AKR7A2: variants seen among roughly 807,000 people sequenced by gnomAD.
AKR7A2 encodes the protein aflatoxin B1 aldehyde reductase member 2.
In AKR7A2, 29 loss-of-function variants were observed where a neutral mutation model predicts 37.3. That is an observed-to-expected ratio of 0.78 (90% CI 0.58 to 1.06). The LOEUF is 1.06. AKR7A2 is among the 50% of genes least tolerant of loss of function. The pLI is 0.00. For synonymous variants in AKR7A2, 228 were observed against 217.8 expected (o/e 1.05, Z -0.41); for missense variants, 529 against 497.9 (o/e 1.06, Z -0.59).
chr1:19,304,383 C>T lies in AKR7A2; in HGVS notation c.922G>A (p.Ala308Thr), dbSNP rs578096792. 5 of 1,614,012 alleles carry T rather than the reference C, an allele frequency of 3.1e-6. No individual in the cohort carries two copies. In the South Asian group the frequency reaches 4.4e-5, roughly 14 times the overall value. ...CCCAGGATGACCGCGTCCCCGTGGG[C>T]ACCCTGCAAGGGAGACGGCCAGACT... The part of the protein sequence containing the change: ...WMYHHSQLQG[A>T]HGDAVILGMS... Residue 308 changes from alanine to threonine, a missense_variant, in exon 7 of 7, where the codon GCC becomes ACC. By Grantham distance (58) the Ala-to-Thr change is moderately conservative (BLOSUM62 0). Coordinates refer to ENST00000235835, the MANE Select transcript of AKR7A2 (RefSeq NM_003689.4).
chr1:19,307,628 G>C, intron 3 of AKR7A2: 2 of 614,046 alleles, frequency 3.3e-6, no homozygotes, highest in Admixed American at 5.5e-5. Flanking sequence ...TGAACTCCAT[G>C]CTGGACACTG....
intron 3 of AKR7A2, chr1:19,307,868 A>G: frequency 1.8e-6 from 1 of 548,458 alleles, no homozygotes; most frequent in Non-Finnish European, 3.3e-6. Context: ...GTAAGGCCTG[A>G]GTGCTTCTCC....
chr1:19,306,089 C>A lies in AKR7A2; in HGVS notation c.847G>T (p.Ala283Ser). Residue 283 changes from alanine to serine, a missense_variant, in exon 6 of 7, where the codon GCA becomes TCA. Physicochemically the swap from Ala to Ser is moderately conservative, Grantham distance 99 (BLOSUM62 1). Transcript: ENST00000235835. Reference sequence around the variant, plus strand: ...ACACTGGGGGCGCTGGCGCCATATGCGGCCTGCAGGGCCTTCTCCACCAAC... The same window carrying A: ...ACACTGGGGGCGCTGGCGCCATATGAGGCCTGCAGGGCCTTCTCCACCAAC... ...IALVEKALQA[A>S]YGASAPSVTS... The A allele has an allele frequency of 6.2e-6, 10 of 1,614,190 alleles. No individual in the cohort carries two copies. Among genetic ancestry groups the A allele is most frequent in the South Asian group, 1.1e-5 (1 of 91,086 alleles).
At chr1:19,306,950 C>G in intron 5 of AKR7A2, 52 bp downstream of exon 5, 1 of 1,517,968 alleles carries the variant, frequency 6.6e-7, no homozygotes, top group Non-Finnish European at 9.2e-7. Flanking sequence ...CTTCATTCCA[C>G]ATAGATTTGA....
At chr1:19,304,571 C>T (rs535083151) in intron 6 of AKR7A2, among the ~76,000 whole-genome samples, 185 bp from the exon 7 acceptor site, 33 of 152,170 alleles carry the variant, frequency 2.2e-4, no homozygotes, top group Middle Eastern at 6.8e-3. Context: ...CATCCTTTCC[C>T]CTACTGCCGC....
chr1:19,303,454 T>C (rs1418336833), downstream of AKR7A2, among the ~76,000 whole-genome samples: 3 of 152,144 alleles, frequency 2.0e-5, no homozygotes, highest in South Asian at 2.1e-4. Context: ...TGGTGCCTCC[T>C]GTTTGGAGTA....
Position 19,308,257 on chromosome 1 carries a change from CTT to C in AKR7A2, c.490_491del (p.Lys164ValfsTer11). On this transcript the variant is annotated frameshift_variant, in exon 3 of 7. Coordinates refer to ENST00000235835, the MANE Select transcript of AKR7A2 (RefSeq NM_003689.4). LOFTEE classifies it high-confidence loss of function. ...HACQRLHQEG[K>X]FVELGLSNYA... The stretch of plus-strand genomic sequence containing the variant: ...AGTTGGAGAGGCCAAGCTCCACGAA[CTT>C]GCCCTGCATGGGTGAGGCTCCAGTC... 1 of 1,614,206 alleles carries C rather than the reference CTT, an allele frequency of 6.2e-7. No homozygotes were observed. The highest frequency in any genetic ancestry group is 1.3e-5 in the African/African-American group (1 of 75,052).
At position 19,304,170 on chromosome 1, in the gene AKR7A2, T is replaced by G; in HGVS notation, c.*55A>C. On this transcript the variant is annotated 3_prime_UTR_variant, in exon 7 of 7. Coordinates refer to ENST00000235835, the MANE Select transcript of AKR7A2 (RefSeq NM_003689.4). Reference sequence around the variant, plus strand: ...AGCTTAAGGCCAAGACTGGTCAGTGTGAGAGAACAAAAGAGGTGACAGAAA... The same window carrying G: ...AGCTTAAGGCCAAGACTGGTCAGTGGGAGAGAACAAAAGAGGTGACAGAAA... 7.0e-5 allele frequency: 112 copies of G among 1,611,136 alleles called. No individual in the cohort carries two copies. The highest frequency in any genetic ancestry group is 8.5e-5 in the Non-Finnish European group (100 of 1,177,298).
rs191772457 is a variant in AKR7A2, at chr1:19,310,486, T to A, written c.298+1341A>T. On this transcript the variant is annotated intron_variant, in intron 1 of 6. Coordinates refer to ENST00000235835, the MANE Select transcript of AKR7A2 (RefSeq NM_003689.4). Reference sequence around the variant, plus strand: ...GCTGAGGTGGGCAGATCACTTGAGGTCAGGAGTTGAAGACCAGCCTGGCCA... The same window carrying A: ...GCTGAGGTGGGCAGATCACTTGAGGACAGGAGTTGAAGACCAGCCTGGCCA... 8.0e-4 allele frequency among the ~76,000 whole-genome samples: 121 copies of A among 152,158 alleles called. No homozygotes were observed. The Middle Eastern group carries it at 0.01, about 13-fold the overall frequency.
At chr1:19,309,901 C>G (rs994076926) in intron 1 of AKR7A2, among the ~76,000 whole-genome samples, 1 of 152,052 alleles carries the variant, frequency 6.6e-6, no homozygotes, top group Non-Finnish European at 1.5e-5. Context: ...CATGGTGAAA[C>G]TCTGTCTCTA....
At chr1:19,304,932 C>CT (rs2093758509) in intron 6 of AKR7A2, 1 of 160,060 alleles carries the variant, frequency 6.2e-6, no homozygotes, top group African/African-American at 2.4e-5. Context: ...GAGTGAGACT[C>CT]TGTCTCAAAA....
chr1:19,304,182 A>C lies in AKR7A2; in HGVS notation c.*43T>G. On this transcript the variant is annotated 3_prime_UTR_variant, in exon 7 of 7. Coordinates refer to ENST00000235835, the MANE Select transcript of AKR7A2 (RefSeq NM_003689.4). ...AGACTGGTCAGTGTGAGAGAACAAA[A>C]GAGGTGACAGAAAAGCCTTGGGCAG... is the stretch of plus-strand genomic sequence containing the variant. The C allele has an allele frequency of 6.2e-7, 1 of 1,614,216 alleles. No individual in the cohort carries two copies. The highest frequency in any genetic ancestry group is 8.5e-7 in the Non-Finnish European group (1 of 1,180,014).
rs2093778788 is a variant in AKR7A2, at chr1:19,312,133, C to T, written c.-9G>A. On this transcript the variant is annotated 5_prime_UTR_variant, in exon 1 of 7. Coordinates refer to ENST00000235835, the MANE Select transcript of AKR7A2 (RefSeq NM_003689.4). ...GACGCGGCACTCAGCATAGCAGCGG[C>T]GCCTGCGCGTTGGGAGCCGGGGGCC... The T allele has an allele frequency of 3.2e-6, 4 of 1,267,220 alleles. No individual in the cohort carries two copies. The highest frequency in any genetic ancestry group is 4.3e-5 in the Admixed American group (1 of 23,080). The allele number at this position is 1,267,220 out of a possible 1,614,324, so 78.5% of individuals were successfully genotyped here. A position where few individuals can be genotyped will look rare whatever the true frequency, so the allele number is the denominator to read the frequency against.
intron 6 of AKR7A2, among the ~76,000 whole-genome samples, 177 bp from the exon 7 acceptor site, chr1:19,304,563 T>A (rs1372840364): frequency 6.6e-6 from 1 of 151,940 alleles, no homozygotes; most frequent in East Asian, 1.9e-4. Context: ...GAAACCCGCA[T>A]CCTTTCCCCT....
intron 3 of AKR7A2, 90 bp downstream of exon 3, chr1:19,308,068 A>G: frequency 6.5e-7 from 1 of 1,527,270 alleles, no homozygotes; most frequent in Non-Finnish European, 9.1e-7. Flanking sequence ...GCTGCTATGC[A>G]GACGGCACAG....
At chr1:19,310,048 C>G (rs2473809) in intron 1 of AKR7A2, among the ~76,000 whole-genome samples, 320 of 151,876 alleles carry the variant, frequency 2.1e-3, no homozygotes, top group African/African-American at 7.4e-3. Flanking sequence ...TGCACTCCAG[C>G]CTGGGCGACA....
Position 19,304,134 on chromosome 1 carries a change from C to G in AKR7A2, c.*91G>C. 6.3e-7 allele frequency: 1 copy of G among 1,596,744 alleles called. No individual in the cohort carries two copies. Among genetic ancestry groups the G allele is most frequent in the Non-Finnish European group, 8.6e-7 (1 of 1,164,660 alleles). ...ATGGATCTAGACAATTCAGAAAAAC[C>G]CTTCTAAGTCAGCTTAAGGCCAAGA... On this transcript the variant is annotated 3_prime_UTR_variant, in exon 7 of 7. Transcript: ENST00000235835.
rs752727831 is a variant in AKR7A2 at position 19,307,105 on chromosome 1, C to A, written c.689-4G>T. 3.1e-6 allele frequency: 5 copies of A among 1,614,206 alleles called. No homozygotes were observed. The South Asian group carries it at 3.3e-5, about 11-fold the overall frequency. ...TACTTGCCAGTCAGCAGGCCCCCTG[C>A]GGGAAGGCAGCAATCAGCCCCTGGC... On this transcript the variant is annotated splice_region_variant and splice_polypyrimidine_tract_variant and intron_variant, in intron 4 of 6. Coordinates refer to ENST00000235835, the MANE Select transcript of AKR7A2 (RefSeq NM_003689.4).
At chr1:19,306,184 A>G (rs970402136) in intron 5 of AKR7A2, 37 bp from the exon 6 acceptor site, 2 of 1,613,842 alleles carry the variant, frequency 1.2e-6, no homozygotes, top group African/African-American at 1.3e-5. Context: ...GGTCAGTACC[A>G]TGGGGGTCAC....
Sources: allele counts gnomAD v4.1 joint callset (sites outside exome capture counted in the v4.1 genomes callset), GRCh38; gene constraint gnomAD v4.1.1; transcripts MANE v1.5; gene names NCBI Gene and HGNC (gene_info 2026-07-23, HGNC 2026-07-21).